NPHP4: variants seen among roughly 807,000 people sequenced by gnomAD.
NPHP4 encodes nephrocystin-4.
A neutral mutation model predicts 155.8 loss-of-function variants in NPHP4; 151 were observed. The ratio of observed to expected loss-of-function variants is 0.97; its 90% CI spans 0.85 to 1.11. The LOEUF (loss-of-function observed/expected upper bound fraction) is 1.11. NPHP4 is among the 50% of genes least tolerant of loss of function. NPHP4 has a pLI of 0.00. For synonymous variants in NPHP4, 845 were observed against 816.8 expected (o/e 1.03, Z -0.59); for missense variants, 1,956 against 1,925.7 (o/e 1.02, Z -0.29).
At position 5,944,485 on chromosome 1, in the gene NPHP4, G is replaced by A. The variant is rs1036232714; in HGVS notation, c.1119+2619C>T. 6.6e-5 allele frequency among the ~76,000 whole-genome samples: 10 copies of A among 152,166 alleles called. No homozygotes were observed. The East Asian group carries it at 1.2e-3, about 18-fold the overall frequency. ...TTGTGCCTTTCTCCTCTCACGTCCC[G>A]CTCAATTCCAGTTTCACCCGGTGGA... On this transcript the variant is annotated intron_variant, in intron 9 of 29. Transcript: ENST00000378156. This position sits in a 1 kb window ranked among gnomAD's most constrained non-coding sequence, Gnocchi z 4.3.
intron 26 of NPHP4, 80 bp from the exon 27 acceptor site, chr1:5,865,353 G>A: frequency 7.7e-7 from 1 of 1,299,542 alleles, no homozygotes; most frequent in Admixed American, 2.4e-5. Context: ...GGGCTGCCAG[G>A]AGCGTGGGCA....
chr1:5,945,559 A>C (rs905411204), intron 9 of NPHP4, among the ~76,000 whole-genome samples: 1 of 152,158 alleles, frequency 6.6e-6, no homozygotes, highest in African/African-American at 2.4e-5. Context: ...CCGCTACCAG[A>C]AGAGATTAGA....
rs367651042 is a variant in NPHP4, at chr1:5,890,863, G to A, written c.2304+5C>T. The A allele has an allele frequency of 4.0e-5, 64 of 1,606,126 alleles. No individual in the cohort carries two copies. The highest frequency in any genetic ancestry group is 4.8e-5 in the Non-Finnish European group (56 of 1,175,148). On this transcript the variant is annotated splice_donor_5th_base_variant and intron_variant, in intron 17 of 29. Coordinates refer to ENST00000378156, the MANE Select transcript of NPHP4 (RefSeq NM_015102.5). This position sits in a 1 kb window ranked among gnomAD's most constrained non-coding sequence, Gnocchi z 4.9. ...ACTGTGCCTGTCCTTCCAGAGAGCC[G>A]CTACCTTCATCTGGACGGCAGCAGA...
chr1:5,863,353 C>T lies in NPHP4; in HGVS notation c.4193G>A (p.Arg1398Lys), dbSNP rs1194084651. 3 of 1,614,026 alleles carry T rather than the reference C, an allele frequency of 1.9e-6. No individual in the cohort carries two copies. The highest frequency in any genetic ancestry group is 8.5e-7 in the Non-Finnish European group (1 of 1,179,876). The change falls in exon 30 of 30, where the codon AGA becomes AAA. Residue 1398 changes from arginine to lysine, a missense_variant. Physicochemically the swap from Arg to Lys is conservative, Grantham distance 26. Transcript: ENST00000378156. Reference protein sequence around the residue: ...TIGLQFAPSQRVGEEEILIYI... With the variant: ...TIGLQFAPSQKVGEEEILIYI... ...GATCAGGATCTCCTCCTCACCCACTCTCTGACTAGGCGCAAACTGCAAGCC... is the reference window on the plus strand; with the variant it reads ...GATCAGGATCTCCTCCTCACCCACTTTCTGACTAGGCGCAAACTGCAAGCC...
chr1:5,906,640 C>A (rs1414926470), intron 13 of NPHP4, among the ~76,000 whole-genome samples: 3 of 152,246 alleles, frequency 2.0e-5, no homozygotes, highest in African/African-American at 7.2e-5. Context: ...CTTTGGAAAC[C>A]AAACTCCATA....
At chr1:5,888,723 A>G in intron 17 of NPHP4, 1 of 723,644 alleles carries the variant, frequency 1.4e-6, no homozygotes, top group Non-Finnish European at 2.1e-6. Context: ...CAAAATGGCC[A>G]CTGGCGACTG....
At chr1:5,962,552 G>C (rs1208789366) in intron 5 of NPHP4, among the ~76,000 whole-genome samples, 1 of 152,200 alleles carries the variant, frequency 6.6e-6, no homozygotes, top group African/African-American at 2.4e-5. Flanking sequence ...CCAAACGGAG[G>C]AGGGCAGCAC....
intron 9 of NPHP4, among the ~76,000 whole-genome samples, chr1:5,943,616 C>T (rs1203892536): frequency 1.3e-5 from 2 of 152,216 alleles, no homozygotes; most frequent in Admixed American, 6.5e-5. Flanking sequence ...ATGAGGAAGC[C>T]ACTGCCAGGG....
intron 11 of NPHP4, among the ~76,000 whole-genome samples, chr1:5,920,624 C>A (rs1326451574): frequency 6.6e-6 from 1 of 152,214 alleles, no homozygotes; most frequent in Non-Finnish European, 1.5e-5. Flanking sequence ...TATCTTTACT[C>A]ATTTCATCCT....
chr1:5,904,881 G>A (rs1032051200), intron 15 of NPHP4, 77 bp from the exon 16 acceptor site: 5 of 1,434,452 alleles, frequency 3.5e-6, no homozygotes, highest in Non-Finnish European at 4.9e-6. Flanking sequence ...TGTTTGCATA[G>A]GGGATGGTCC....
chr1:5,912,155 C>T (rs1645208195), intron 11 of NPHP4, among the ~76,000 whole-genome samples: 1 of 152,316 alleles, frequency 6.6e-6, no homozygotes. Context: ...CAGCAGAACC[C>T]GGCAGATCCT....
At chr1:5,868,064 G>C (rs1009146653) in intron 23 of NPHP4, 168 bp from the exon 24 acceptor site, 1 of 784,028 alleles carries the variant, frequency 1.3e-6, no homozygotes, top group Admixed American at 2.0e-5. Context: ...TGAGTCTGCA[G>C]CAGCAGGTCT....
At chr1:5,979,036 C>A (rs1654201627) in intron 2 of NPHP4, among the ~76,000 whole-genome samples, 1 of 148,626 alleles carries the variant, frequency 6.7e-6, no homozygotes, top group East Asian at 1.9e-4. Context: ...TGTAGACAGG[C>A]AGGACCCTGC....
intron 20 of NPHP4, 71 bp from the exon 21 acceptor site, chr1:5,875,171 GC>G: frequency 8.7e-7 from 1 of 1,155,382 alleles, no homozygotes; most frequent in Non-Finnish European, 1.3e-6. Flanking sequence ...ATTGCTGGCT[GC>G]CCACCACCCG....
intron 19 of NPHP4, chr1:5,879,345 C>G (rs1035094932): frequency 5.7e-6 from 2 of 351,908 alleles, no homozygotes; most frequent in Admixed American, 7.9e-5. Context: ...TGAGGCCTTA[C>G]ATTTTAAGGG....
chr1:5,942,530 C>CAAAAAA (rs71568632), intron 9 of NPHP4, among the ~76,000 whole-genome samples: 1 of 19,740 alleles, frequency 5.1e-5, no homozygotes. Flanking sequence ...GACTCCATCT[C>CAAAAAA]AAAAAAAAAA....
chr1:5,864,316 T>G (rs1640961579), intron 28 of NPHP4, 22 bp downstream of exon 28: 1 of 1,577,270 alleles, frequency 6.3e-7, no homozygotes, highest in African/African-American at 1.4e-5. Context: ...CCCCTCAGCC[T>G]GTGCCTGCCA....
At chr1:5,933,367 C>A in intron 9 of NPHP4, 38 bp from the exon 10 acceptor site, 1 of 1,551,094 alleles carries the variant, frequency 6.4e-7, no homozygotes, top group South Asian at 1.1e-5. Flanking sequence ...TATGAGTTAT[C>A]ACAGAAGTCA....
Position 5,944,732 on chromosome 1 carries a change from G to A in NPHP4, c.1119+2372C>T, listed in dbSNP as rs894406303. Among the ~76,000 whole-genome samples the A allele has an allele frequency of 3.3e-5, 5 of 152,202 alleles. No individual in the cohort carries two copies. Among genetic ancestry groups the A allele is most frequent in the African/African-American group, 1.2e-4 (5 of 41,436 alleles). On this transcript the variant is annotated intron_variant, in intron 9 of 29. Transcript: ENST00000378156. The surrounding 1 kb of genome is among the most constrained non-coding windows in gnomAD (Gnocchi z 4.3). ...CGTCTGGAACCTGAGCACTTTGGGA[G>A]GCCAAGGAGGGCAGATCACTTGAGG... is the stretch of plus-strand genomic sequence containing the variant.
Sources: gnomAD v4.1 joint callset for allele counts (sites outside exome capture counted in the v4.1 genomes callset) on GRCh38, gnomAD v4.1.1 for gene constraint, Gnocchi (gnomAD v3.1) non-coding constraint, MANE v1.5 for transcripts, NCBI Gene and HGNC (gene_info 2026-07-23, HGNC 2026-07-21) for gene names.